ZMYND8: variants seen among roughly 807,000 people sequenced by gnomAD.
ZMYND8 encodes the protein MYND-type zinc finger-containing chromatin reader ZMYND8.
ZMYND8 carries 37 observed loss-of-function variants against 140.8 expected under a neutral mutation model. The observed-to-expected ratio is 0.26, with a 90% CI of 0.20 to 0.35. ZMYND8 has a LOEUF of 0.35. Among genes scored for constraint, ZMYND8 ranks in the 10% least tolerant of loss-of-function variants. The pLI is 1.00. For missense variants in ZMYND8, 1,068 were observed against 1,570.0 expected (o/e 0.68, Z 5.40); for synonymous variants, 592 against 597.1 (o/e 0.99, Z 0.12).
intron 1 of ZMYND8, chr20:47,350,009 A>T: frequency 6.7e-7 from 1 of 1,493,076 alleles, no homozygotes; most frequent in Non-Finnish European, 8.9e-7. Flanking sequence ...AGGAAAATGC[A>T]AACTAGTTAT....
At chr20:47,331,903 G>A (rs577717003) in intron 2 of ZMYND8, among the ~76,000 whole-genome samples, 6 of 152,274 alleles carry the variant, frequency 3.9e-5, no homozygotes, top group Admixed American at 2.6e-4. Flanking sequence ...GAATACAGAC[G>A]CTTCTAAGAA....
chr20:47,283,896 T>C (rs1241312927), intron 8 of ZMYND8, among the ~76,000 whole-genome samples: 3 of 151,710 alleles, frequency 2.0e-5, no homozygotes, highest in East Asian at 3.9e-4. Context: ...ACCCCCATTA[T>C]AGACATTCCC....
intron 21 of ZMYND8, among the ~76,000 whole-genome samples, chr20:47,218,948 G>A (rs1314861331): frequency 6.6e-6 from 1 of 152,030 alleles, no homozygotes; most frequent in African/African-American, 2.4e-5. Flanking sequence ...AATCGTCAGT[G>A]GCTCACGCCT....
chr20:47,249,533 T>C, intron 12 of ZMYND8, 94 bp from the exon 13 acceptor site: 1 of 1,518,372 alleles, frequency 6.6e-7, no homozygotes, highest in Non-Finnish European at 8.9e-7. Context: ...ACACACATTT[T>C]AGAACATGGG....
At chr20:47,221,656 AG>A (rs1351216346) in intron 19 of ZMYND8, among the ~76,000 whole-genome samples, 182 bp from the exon 20 acceptor site, 2 of 152,210 alleles carry the variant, frequency 1.3e-5, no homozygotes, top group African/African-American at 2.4e-5. Flanking sequence ...TCCAAACTTT[AG>A]AATTCCAAAT....
chr20:47,260,922 CA>C (rs2147534703), intron 12 of ZMYND8, among the ~76,000 whole-genome samples: 1 of 152,280 alleles, frequency 6.6e-6, no homozygotes, highest in South Asian at 2.1e-4. Flanking sequence ...ATGAATCAAT[CA>C]ATAATGAATC....
chr20:47,290,326 G>T, intron 6 of ZMYND8, 52 bp from the exon 7 acceptor site: 1 of 1,515,404 alleles, frequency 6.6e-7, no homozygotes, highest in Admixed American at 1.8e-5. Flanking sequence ...ACAAGCCACA[G>T]TCAGTGACTC....
intron 1 of ZMYND8, among the ~76,000 whole-genome samples, chr20:47,350,277 A>C (rs924346773): frequency 1.1e-4 from 16 of 150,074 alleles, no homozygotes; most frequent in African/African-American, 3.9e-4. Context: ...CACACACACA[A>C]TTAACTTGTA....
At chr20:47,342,657 C>T (rs2148551056) in intron 2 of ZMYND8, among the ~76,000 whole-genome samples, 1 of 151,524 alleles carries the variant, frequency 6.6e-6, no homozygotes, top group East Asian at 2.0e-4. Context: ...ACTAGCCTGG[C>T]CAACATGGTG....
At chr20:47,336,978 T>C (rs1488449790) in intron 2 of ZMYND8, among the ~76,000 whole-genome samples, 5 of 148,434 alleles carry the variant, frequency 3.4e-5, no homozygotes, top group Admixed American at 2.0e-4. Flanking sequence ...ACCCTTGGAA[T>C]ACAGGTCATG....
At chr20:47,338,515 T>C (rs114972517) in intron 2 of ZMYND8, among the ~76,000 whole-genome samples, 2,372 of 152,032 alleles carry the variant, frequency 0.016, 74 homozygotes, top group African/African-American at 0.054. Context: ...TAAGGCTTCA[T>C]CCCGGTCAGC....
chr20:47,305,461 G>A (rs757690387), intron 3 of ZMYND8, among the ~76,000 whole-genome samples: 3 of 151,134 alleles, frequency 2.0e-5, no homozygotes, highest in South Asian at 2.1e-4. Context: ...GGTTGGTCTC[G>A]AACTCCTGGC....
At chr20:47,264,554 G>A (rs1056866113) in intron 11 of ZMYND8, among the ~76,000 whole-genome samples, 1 of 152,192 alleles carries the variant, frequency 6.6e-6, no homozygotes, top group African/African-American at 2.4e-5. Context: ...TGGGATTACA[G>A]CCATGAGTCA....
intron 5 of ZMYND8, among the ~76,000 whole-genome samples, chr20:47,292,141 T>C (rs760880446): frequency 1.2e-4 from 19 of 152,242 alleles, no homozygotes; most frequent in Non-Finnish European, 2.5e-4. Flanking sequence ...AAACAGATCC[T>C]GTCCTCTTAC....
chr20:47,312,725 G>A (rs1246097048), intron 2 of ZMYND8, among the ~76,000 whole-genome samples: 1 of 151,006 alleles, frequency 6.6e-6, no homozygotes, highest in Non-Finnish European at 1.5e-5. Flanking sequence ...TGGAGTCAGA[G>A]GTTGCTGTGA....
intron 17 of ZMYND8, among the ~76,000 whole-genome samples, chr20:47,229,190 T>C (rs2038135046): frequency 1.3e-5 from 2 of 151,200 alleles, no homozygotes; most frequent in Admixed American, 1.3e-4. Context: ...CACTATGTTG[T>C]GCAGGCTGGT....
At chr20:47,292,353 A>G (rs8119662) in intron 5 of ZMYND8, among the ~76,000 whole-genome samples, 43,719 of 151,916 alleles carry the variant, frequency 0.29, 6,428 homozygotes, top group South Asian at 0.42. Flanking sequence ...ATTAGCACAT[A>G]TAATTTAGCC....
chr20:47,210,533 T>C lies in ZMYND8; in HGVS notation c.*228A>G. 1 of 537,214 alleles carries C rather than the reference T, an allele frequency of 1.9e-6. No individual in the cohort carries two copies. Among genetic ancestry groups the C allele is most frequent in the Non-Finnish European group, 3.3e-6 (1 of 301,424 alleles). The allele number at this position is 537,214 out of a possible 1,614,324, so 33.3% of individuals were successfully genotyped here. On this transcript the variant is annotated 3_prime_UTR_variant, in exon 23 of 23. Transcript: ENST00000471951. ...TCAATGACATCCACAAATTGTACAT[T>C]ATTTACACCAAAAGCACAGGGCTCG...
chr20:47,260,691 A>G (rs988974942), intron 12 of ZMYND8, among the ~76,000 whole-genome samples: 1 of 152,092 alleles, frequency 6.6e-6, no homozygotes, highest in African/African-American at 2.4e-5. Flanking sequence ...TCATCACATT[A>G]CCTTCCAGAC....
Sources: gnomAD v4.1 joint callset for allele counts (sites outside exome capture counted in the v4.1 genomes callset) on GRCh38, gnomAD v4.1.1 for gene constraint, MANE v1.5 for transcripts, NCBI Gene and HGNC (gene_info 2026-07-23, HGNC 2026-07-21) for gene names.